Variants in STPG2 observed in about 807,000 individuals in gnomAD.
The protein encoded by STPG2 is sperm-tail PG-rich repeat-containing protein 2.
A neutral mutation model predicts 54.2 loss-of-function variants in STPG2; 56 were observed. That is an observed-to-expected ratio of 1.03 (90% CI 0.83 to 1.29). The LOEUF (loss-of-function observed/expected upper bound fraction) is 1.29, where lower values mean the gene tolerates loss of function less well. STPG2 is among the 50% of genes most tolerant of loss of function. STPG2 has a pLI of 0.00. For synonymous variants in STPG2, 200 were observed against 181.8 expected, an observed-to-expected ratio of 1.10 and a Z score of -0.81; for missense variants, 596 against 544.9, an observed-to-expected ratio of 1.09 and a Z score of -0.93.
At chr4:97,448,865 A>G (rs1275161076) in intron 4 of STPG2, among the ~76,000 whole-genome samples, 1 of 152,192 alleles carries the variant, frequency 6.6e-6, no homozygotes, top group African/African-American at 2.4e-5. Context: ...TCTTCAGAAC[A>G]GTATGCCTTA....
intron 5 of STPG2, among the ~76,000 whole-genome samples, chr4:98,086,069 C>A (rs1406384255): frequency 3.9e-5 from 6 of 152,074 alleles, no homozygotes; most frequent in South Asian, 2.1e-4. Context: ...CAGTGGAGTA[C>A]AATCCAAAAG....
At chr4:97,692,742 T>G (rs1027396941) in intron 10 of STPG2, among the ~76,000 whole-genome samples, 2 of 152,164 alleles carry the variant, frequency 1.3e-5, no homozygotes, top group Admixed American at 6.5e-5. Context: ...GGCACATAGT[T>G]CATCAGGTTA....
intron 8 of STPG2, among the ~76,000 whole-genome samples, chr4:97,882,113 T>C (rs1306328278): frequency 2.1e-4 from 32 of 152,026 alleles, no homozygotes; most frequent in Admixed American, 2.0e-3. Flanking sequence ...CCACATAAGC[T>C]GGTATGAGAA....
chr4:97,808,506 A>T (rs1727639297), intron 9 of STPG2, among the ~76,000 whole-genome samples: 1 of 151,796 alleles, frequency 6.6e-6, no homozygotes, highest in Non-Finnish European at 1.5e-5. Context: ...TAATTTTTCA[A>T]AATCCTAAAA....
chr4:97,980,840 A>G (rs1057449984), intron 6 of STPG2, among the ~76,000 whole-genome samples: 1 of 152,210 alleles, frequency 6.6e-6, no homozygotes, highest in African/African-American at 2.4e-5. Context: ...AAATTATATT[A>G]CTAATGGTGA....
At chr4:97,649,777 G>A (rs772960186) in intron 10 of STPG2, among the ~76,000 whole-genome samples, 1 of 152,086 alleles carries the variant, frequency 6.6e-6, no homozygotes, top group Non-Finnish European at 1.5e-5. Context: ...CAACCTTCTT[G>A]GCACCAGGGA....
At chr4:97,983,856 CAT>C (rs527288389) in intron 5 of STPG2, among the ~76,000 whole-genome samples, 20 of 152,250 alleles carry the variant, frequency 1.3e-4, no homozygotes, top group Admixed American at 2.6e-4. Flanking sequence ...CATACATAGA[CAT>C]GTGAACATAT....
At chr4:97,711,503 A>C (rs1724118310) in intron 10 of STPG2, among the ~76,000 whole-genome samples, 1 of 152,116 alleles carries the variant, frequency 6.6e-6, no homozygotes, top group Non-Finnish European at 1.5e-5. Flanking sequence ...TAAGTCTAAT[A>C]AAATTAGCTT....
At chr4:98,021,728 T>C (rs541605447) in intron 5 of STPG2, among the ~76,000 whole-genome samples, 1 of 151,938 alleles carries the variant, frequency 6.6e-6, no homozygotes, top group Non-Finnish European at 1.5e-5. Flanking sequence ...ATATTTAGGA[T>C]AGTTAGCTCT....
At position 97,848,712 on chromosome 4, in the gene STPG2, A is replaced by C. The variant is rs909679943; in HGVS notation, c.1045-7780T>G. Reference sequence around the variant, plus strand: ...AGAAGGGATCCAGTTTCAGCTTTCTACATATGGCTAGCCAGTTTTCCCAGC... The same window carrying C: ...AGAAGGGATCCAGTTTCAGCTTTCTCCATATGGCTAGCCAGTTTTCCCAGC... On this transcript the variant is annotated intron_variant, in intron 8 of 10. Transcript: ENST00000295268. Among the ~76,000 whole-genome samples the C allele has an allele frequency of 1.3e-4, 20 of 152,032 alleles. 1 individual carries two copies. Among genetic ancestry groups the C allele is most frequent in the Non-Finnish European group, 2.9e-4 (20 of 67,998 alleles).
chr4:97,460,947 T>G (rs1029168601), intron 4 of STPG2, among the ~76,000 whole-genome samples: 1 of 152,224 alleles, frequency 6.6e-6, no homozygotes, highest in African/African-American at 2.4e-5. Context: ...GCATATAACA[T>G]TCATGCTCAG....
chr4:97,723,036 T>G (rs1385582243), intron 9 of STPG2, among the ~76,000 whole-genome samples: 3 of 149,112 alleles, frequency 2.0e-5, no homozygotes, highest in African/African-American at 7.4e-5. Context: ...ATGGTCTCCA[T>G]CTCCTGACCT....
rs913648500 is a variant in STPG2, at chr4:97,848,808, G to T, written c.1045-7876C>A. Among the ~76,000 whole-genome samples, 7 of 150,524 alleles carry T rather than the reference G, an allele frequency of 4.7e-5. No individual in the cohort carries two copies. In the South Asian group the frequency reaches 1.1e-3, roughly 23 times the overall value. On this transcript the variant is annotated intron_variant, in intron 8 of 10. Transcript: ENST00000295268. ...CAGGTTTGTCAAAGATCAGATAGTT[G>T]TAGGTATGCGGCGTTATTTCTGAGG...
At chr4:97,643,288 T>C (rs1721815907) in intron 10 of STPG2, among the ~76,000 whole-genome samples, 1 of 151,632 alleles carries the variant, frequency 6.6e-6, no homozygotes, top group Admixed American at 6.6e-5. Flanking sequence ...GCTATTTAAA[T>C]TATTATGGAG....
At chr4:97,582,260 A>G (rs976345810) in intron 10 of STPG2, among the ~76,000 whole-genome samples, 3 of 152,060 alleles carry the variant, frequency 2.0e-5, no homozygotes, top group Non-Finnish European at 4.4e-5. Context: ...ACACCTAATC[A>G]GTGTATTTGT....
intron 9 of STPG2, among the ~76,000 whole-genome samples, chr4:97,738,888 C>A (rs1725118589): frequency 6.6e-6 from 1 of 152,082 alleles, no homozygotes; most frequent in Non-Finnish European, 1.5e-5. Context: ...GAACTCTCCA[C>A]CCCAAATCAA....
intron 9 of STPG2, among the ~76,000 whole-genome samples, chr4:97,770,490 G>A (rs1726184580): frequency 6.6e-6 from 1 of 152,196 alleles, no homozygotes; most frequent in South Asian, 2.1e-4. Flanking sequence ...CAGAGAGGCA[G>A]CTGCAGGCTA....
At chr4:98,088,668 A>G (rs944328467) in intron 5 of STPG2, among the ~76,000 whole-genome samples, 1 of 99,570 alleles carries the variant, frequency 1.0e-5, no homozygotes, top group African/African-American at 3.9e-5. Context: ...TCTCTCCTTT[A>G]GGGGAAAAAA....
chr4:98,124,446 G>A (rs1050235397), intron 3 of STPG2, among the ~76,000 whole-genome samples: 1 of 152,034 alleles, frequency 6.6e-6, no homozygotes, highest in Non-Finnish European at 1.5e-5. Flanking sequence ...AGCTTAGTTT[G>A]GCCAAATATG....
Sources: gnomAD v4.1 joint callset for allele counts (sites outside exome capture counted in the v4.1 genomes callset) on GRCh38, gnomAD v4.1.1 for gene constraint, MANE v1.5 for transcripts, NCBI Gene and HGNC (gene_info 2026-07-23, HGNC 2026-07-21) for gene names.